The following KHDRBS2 variants were observed in gnomAD, a reference collection of about 807,000 sequenced individuals.
The protein encoded by KHDRBS2 is KH RNA binding domain containing, signal transduction associated 2.
KHDRBS2 carries 26 observed loss-of-function variants against 44.3 expected under a neutral mutation model. The ratio of observed to expected loss-of-function variants is 0.59; its 90% CI spans 0.43 to 0.81. The LOEUF (loss-of-function observed/expected upper bound fraction) is 0.81, where lower values mean the gene tolerates loss of function less well. KHDRBS2 is among the 40% of genes least tolerant of loss of function. The pLI is 0.00. For synonymous variants in KHDRBS2, 194 were observed against 151.1 expected (o/e 1.28, Z -2.08); for missense variants, 476 against 433.1 (o/e 1.10, Z -0.88).
chr6:61,604,790 A>G, the KHDRBS2 span, among the ~76,000 whole-genome samples: 1 of 152,150 alleles, frequency 6.6e-6, no homozygotes, highest in Non-Finnish European at 1.5e-5. Flanking sequence ...CTGGGTAGAC[A>G]CTTTCACTGG....
At chr6:61,691,038 C>G (rs1767345540) in intron 8 of KHDRBS2, among the ~76,000 whole-genome samples, 1 of 151,986 alleles carries the variant, frequency 6.6e-6, no homozygotes, top group South Asian at 2.1e-4. Flanking sequence ...GTTCTCATCT[C>G]CAAAGGTTGT....
chr6:61,582,769 T>A, the KHDRBS2 span, among the ~76,000 whole-genome samples: 1 of 151,658 alleles, frequency 6.6e-6, no homozygotes, highest in Non-Finnish European at 1.5e-5. Context: ...GGTTGCAGAT[T>A]TGTAATAAAC....
At chr6:61,818,963 A>G (rs1554222487) in intron 6 of KHDRBS2, among the ~76,000 whole-genome samples, 1 of 152,018 alleles carries the variant, frequency 6.6e-6, no homozygotes, top group Non-Finnish European at 1.5e-5. Context: ...GCGTTTTTGG[A>G]GCCCAAAAGG....
chr6:61,742,825 A>G (rs1175577048), intron 6 of KHDRBS2, among the ~76,000 whole-genome samples: 1 of 152,122 alleles, frequency 6.6e-6, no homozygotes, highest in African/African-American at 2.4e-5. Flanking sequence ...TATAGAAATC[A>G]GTAAATCAGT....
At chr6:62,259,495 A>G (rs1837973577) in intron 1 of KHDRBS2, among the ~76,000 whole-genome samples, 1 of 151,860 alleles carries the variant, frequency 6.6e-6, no homozygotes, top group Non-Finnish European at 1.5e-5. Flanking sequence ...TTACTTCATT[A>G]TATATTACTA....
chr6:62,131,507 G>A (rs529609512), intron 2 of KHDRBS2, among the ~76,000 whole-genome samples: 3 of 152,194 alleles, frequency 2.0e-5, no homozygotes, highest in African/African-American at 4.8e-5. Flanking sequence ...CGAGGGAGCC[G>A]AGGTTAGCGG....
intron 4 of KHDRBS2, among the ~76,000 whole-genome samples, chr6:61,957,185 T>G (rs1300645442): frequency 1.3e-5 from 2 of 152,178 alleles, no homozygotes; most frequent in Admixed American, 1.3e-4. Flanking sequence ...CTCTTAATCC[T>G]GTCATCTTTG....
intron 4 of KHDRBS2, among the ~76,000 whole-genome samples, chr6:61,955,531 TGTGTATATATACACATATGTATGTATAC>T (rs1177758673): frequency 3.0e-5 from 2 of 66,090 alleles, no homozygotes; most frequent in African/African-American, 1.2e-4. Context: ...TATGTATACA[TGTGTATATATACACATATGTATGTATAC>T]ATGTGTATAT....
intron 4 of KHDRBS2, among the ~76,000 whole-genome samples, chr6:61,954,793 C>T (rs200988734): frequency 0.21 from 16,315 of 79,426 alleles, 5,404 homozygotes; most frequent in African/African-American, 0.34. Context: ...TATACACATG[C>T]ATATGTATGT....
chr6:61,625,255 A>G, the KHDRBS2 span, among the ~76,000 whole-genome samples: 88,981 of 150,492 alleles, frequency 0.59, 26,534 homozygotes, highest in African/African-American at 0.61. Context: ...GGGACTAACT[A>G]CAGAGATGGG....
chr6:61,930,450 C>G (rs1698836), intron 4 of KHDRBS2, among the ~76,000 whole-genome samples: 2 of 137,412 alleles, frequency 1.5e-5, no homozygotes, highest in Non-Finnish European at 3.0e-5. Flanking sequence ...GGAATAACTT[C>G]TAGTTATCAC....
intron 4 of KHDRBS2, among the ~76,000 whole-genome samples, chr6:61,911,896 A>G (rs1806116928): frequency 6.6e-6 from 1 of 152,038 alleles, no homozygotes; most frequent in East Asian, 1.9e-4. Flanking sequence ...TGAAAAAAAA[A>G]ACACCCTGCA....
chr6:62,179,592 C>G (rs1490246840), intron 1 of KHDRBS2, among the ~76,000 whole-genome samples: 1 of 151,698 alleles, frequency 6.6e-6, no homozygotes, highest in Non-Finnish European at 1.5e-5. Context: ...CTGAGGTAAT[C>G]GTAATGTGGA....
At chr6:62,071,857 G>T (rs553334193) in intron 2 of KHDRBS2, among the ~76,000 whole-genome samples, 4 of 152,218 alleles carry the variant, frequency 2.6e-5, no homozygotes, top group Non-Finnish European at 2.9e-5. Flanking sequence ...CTTTAAAGTA[G>T]TTTTTTCCAA....
chr6:61,951,973 TA>T (rs1764846946), intron 4 of KHDRBS2, among the ~76,000 whole-genome samples: 1 of 152,036 alleles, frequency 6.6e-6, no homozygotes, highest in African/African-American at 2.4e-5. Context: ...GACCAAGAGC[TA>T]AACTGTTGAT....
intron 6 of KHDRBS2, among the ~76,000 whole-genome samples, chr6:61,749,945 T>C (rs1190806382): frequency 2.0e-5 from 3 of 152,198 alleles, no homozygotes; most frequent in Non-Finnish European, 2.9e-5. Context: ...CTATATTTGT[T>C]ATTGTTTTCT....
chr6:61,933,287 C>T lies in KHDRBS2; in HGVS notation c.484-31916G>A, dbSNP rs200117247. 2.6e-4 allele frequency among the ~76,000 whole-genome samples: 40 copies of T among 152,286 alleles called. No homozygotes were observed. The East Asian group carries it at 6.4e-3, about 24-fold the overall frequency. ...AAATCTGCCCCTTTGTTCCAATCAC[C>T]TCCCATGAAGTCCCTCCTCCAACAC... On this transcript the variant is annotated intron_variant, in intron 4 of 8. Transcript: ENST00000281156.
In KHDRBS2 at chr6:61,824,920, T is replaced by C. The variant is rs548663439; in HGVS notation, c.810+69715A>G. The stretch of plus-strand genomic sequence containing the variant: ...TAGTACATTAATCATAGTCATGTCA[T>C]TCAAATGGCTAATTGTCCACATTGC... On this transcript the variant is annotated intron_variant, in intron 6 of 8. Transcript: ENST00000281156. 5.9e-5 allele frequency among the ~76,000 whole-genome samples: 9 copies of C among 152,254 alleles called. No homozygotes were observed. In the East Asian group the frequency reaches 1.5e-3, roughly 26 times the overall value.
At chr6:61,862,054 C>A (rs974597916) in intron 6 of KHDRBS2, among the ~76,000 whole-genome samples, 1 of 152,010 alleles carries the variant, frequency 6.6e-6, no homozygotes, top group Non-Finnish European at 1.5e-5. Flanking sequence ...GATTCATGCA[C>A]ATTGATTTTA....
Sources: allele counts gnomAD v4.1 joint callset (sites outside exome capture counted in the v4.1 genomes callset), GRCh38; gene constraint gnomAD v4.1.1; transcripts MANE v1.5; gene names NCBI Gene and HGNC (gene_info 2026-07-23, HGNC 2026-07-21).